The following PCDH15 variants were observed in gnomAD, a reference collection of about 807,000 sequenced individuals.
PCDH15 encodes the protein protocadherin related 15, also known as protocadherin-15.
In PCDH15, 129 loss-of-function variants were observed where a neutral mutation model predicts 178.5. That is an observed-to-expected ratio of 0.72 (90% CI 0.63 to 0.84). The LOEUF is 0.84. Among genes scored for constraint, PCDH15 ranks in the 40% least tolerant of loss-of-function variants. The pLI is 0.00. For missense variants in PCDH15, 2,230 were observed against 2,099.9 expected, an observed-to-expected ratio of 1.06 and a Z score of -1.21; for synonymous variants, 800 against 732.0, an observed-to-expected ratio of 1.09 and a Z score of -1.50.
At chr10:54,868,005 T>C (rs962611657) in intron 3 of PCDH15, among the ~76,000 whole-genome samples, 1 of 152,210 alleles carries the variant, frequency 6.6e-6, no homozygotes, top group Non-Finnish European at 1.5e-5. Context: ...TGAGGTGATA[T>C]GTGTGTTAAT....
intron 2 of PCDH15, among the ~76,000 whole-genome samples, chr10:55,423,980 G>A (rs1265337124): frequency 6.6e-6 from 1 of 152,080 alleles, no homozygotes; most frequent in East Asian, 1.9e-4. Flanking sequence ...TAATTCTGAT[G>A]TGTTGACTAC....
intron 16 of PCDH15, 25 bp from the exon 17 acceptor site, chr10:54,079,449 T>C (rs564529334): frequency 4.4e-6 from 7 of 1,591,132 alleles, no homozygotes; most frequent in African/African-American, 1.3e-5. Context: ...AACAAACAAA[T>C]AAGACAAAAA....
At chr10:53,937,497 AG>A (rs1331531049) in intron 25 of PCDH15, among the ~76,000 whole-genome samples, 1 of 152,196 alleles carries the variant, frequency 6.6e-6, no homozygotes. Context: ...TAAAGATTTT[AG>A]AAACTCAAAG....
intron 2 of PCDH15, among the ~76,000 whole-genome samples, chr10:54,647,275 C>A (rs368231817): frequency 1.3e-5 from 2 of 152,076 alleles, no homozygotes; most frequent in East Asian, 3.9e-4. Context: ...TGATACCAAT[C>A]CTACAAAGTA....
chr10:54,654,710 C>G (rs1443183173), intron 2 of PCDH15, among the ~76,000 whole-genome samples: 1 of 152,164 alleles, frequency 6.6e-6, no homozygotes, highest in Non-Finnish European at 1.5e-5. Context: ...CATTTTTGCT[C>G]AACTTCGATT....
intron 2 of PCDH15, among the ~76,000 whole-genome samples, chr10:54,529,689 C>A (rs1206599954): frequency 6.6e-6 from 1 of 152,050 alleles, no homozygotes; most frequent in Non-Finnish European, 1.5e-5. Flanking sequence ...ATCTCTGCTT[C>A]TTTTTGTAGA....
At chr10:54,956,900 A>C (rs1838505232) in intron 2 of PCDH15, among the ~76,000 whole-genome samples, 1 of 151,696 alleles carries the variant, frequency 6.6e-6, no homozygotes, top group Non-Finnish European at 1.5e-5. Flanking sequence ...TGAATATGGA[A>C]TATGCTCGAA....
intron 1 of PCDH15, among the ~76,000 whole-genome samples, chr10:54,749,051 G>C (rs1163431806): frequency 6.6e-6 from 1 of 152,104 alleles, no homozygotes; most frequent in Non-Finnish European, 1.5e-5. Context: ...GCCTGAAAAA[G>C]TACCTTGACT....
intron 20 of PCDH15, among the ~76,000 whole-genome samples, chr10:54,015,882 A>G (rs558868666): frequency 5.4e-3 from 341 of 63,704 alleles, no homozygotes; most frequent in Non-Finnish European, 6.2e-3. Context: ...TTTTAACAAC[A>G]GCAAAAATTG....
chr10:55,138,885 AT>A (rs1306682648), intron 2 of PCDH15, among the ~76,000 whole-genome samples: 1 of 152,084 alleles, frequency 6.6e-6, no homozygotes, highest in Admixed American at 6.6e-5. Context: ...CCCTTTGTAT[AT>A]TTTTTTAAAC....
chr10:53,808,825 C>T (rs757786190), intron 37 of PCDH15: 2 of 1,611,066 alleles, frequency 1.2e-6, no homozygotes, highest in South Asian at 1.1e-5. Context: ...ACTGCTACTA[C>T]TACCTGATTC....
chr10:53,808,946 C>T, intron 37 of PCDH15: 3 of 1,560,388 alleles, frequency 1.9e-6, no homozygotes, highest in Non-Finnish European at 2.6e-6. Context: ...GGGGCTGGTC[C>T]ACTTTCTTCT....
At chr10:54,367,148 A>G (rs1215007469) in intron 5 of PCDH15, among the ~76,000 whole-genome samples, 2 of 152,088 alleles carry the variant, frequency 1.3e-5, no homozygotes, top group Non-Finnish European at 2.9e-5. Context: ...GCAAAGGCTA[A>G]GAAAGGGAGA....
At chr10:54,453,057 C>T (rs2211383) in intron 3 of PCDH15, among the ~76,000 whole-genome samples, 64,634 of 151,802 alleles carry the variant, frequency 0.43, 14,950 homozygotes, top group Middle Eastern at 0.56. Context: ...ACTGTTGGTG[C>T]GACTGTAAAC....
intron 1 of PCDH15, among the ~76,000 whole-genome samples, chr10:54,779,814 C>A (rs535740142): frequency 1.3e-5 from 2 of 152,036 alleles, no homozygotes; most frequent in South Asian, 4.2e-4. Flanking sequence ...ACATAGACCC[C>A]TGAGGCTTTA....
At chr10:55,512,378 G>A (rs770704933) in intron 2 of PCDH15, among the ~76,000 whole-genome samples, 5 of 151,930 alleles carry the variant, frequency 3.3e-5, no homozygotes, top group African/African-American at 4.8e-5. Flanking sequence ...TGGGATTAAC[G>A]CTCCTAGAAT....
At chr10:54,237,019 T>C in intron 8 of PCDH15, 88 bp from the exon 9 acceptor site, 1 of 1,108,816 alleles carries the variant, frequency 9.0e-7, no homozygotes, top group South Asian at 1.2e-5. Context: ...TGGAAATCTA[T>C]ATAACGTCTG....
At chr10:55,548,104 G>T (rs193147488) in intron 2 of PCDH15, among the ~76,000 whole-genome samples, 1 of 151,588 alleles carries the variant, frequency 6.6e-6, no homozygotes. Context: ...TGGGAGATAT[G>T]AATTATTTCA....
At chr10:54,315,017 T>C (rs946995061) in intron 8 of PCDH15, among the ~76,000 whole-genome samples, 1 of 152,202 alleles carries the variant, frequency 6.6e-6, no homozygotes, top group African/African-American at 2.4e-5. Context: ...TGTGTCTTTA[T>C]GGCAGAATGA....
Sources: allele counts gnomAD v4.1 joint callset (sites outside exome capture counted in the v4.1 genomes callset), GRCh38; gene constraint gnomAD v4.1.1; transcripts MANE v1.5; gene names NCBI Gene and HGNC (gene_info 2026-07-23, HGNC 2026-07-21).